Variants in PTPRN2 observed in about 807,000 individuals in gnomAD.
PTPRN2 encodes receptor-type tyrosine-protein phosphatase N2.
In PTPRN2, 74 loss-of-function variants were observed where a neutral mutation model predicts 118.8. The ratio of observed to expected loss-of-function variants is 0.62; its 90% CI spans 0.52 to 0.76. The LOEUF is 0.76. Ranked by LOEUF, PTPRN2 falls within the 30% of genes least tolerant of loss-of-function variation. The pLI is 0.00. For missense variants in PTPRN2, 1,481 were observed against 1,394.4 expected, an observed-to-expected ratio of 1.06 and a Z score of -0.99; for synonymous variants, 641 against 608.0, an observed-to-expected ratio of 1.05 and a Z score of -0.80.
At chr7:158,245,789 C>T (rs1345785028) in intron 3 of PTPRN2, among the ~76,000 whole-genome samples, 1 of 152,126 alleles carries the variant, frequency 6.6e-6, no homozygotes, top group Non-Finnish European at 1.5e-5. Context: ...GGCTCAGGGC[C>T]GGCACACAGT....
intron 12 of PTPRN2, among the ~76,000 whole-genome samples, chr7:157,850,365 C>T (rs1217217444): frequency 6.1e-5 from 9 of 147,844 alleles, no homozygotes; most frequent in Non-Finnish European, 8.9e-5. Flanking sequence ...CCCAGGTCTC[C>T]GAATTTCCAT....
chr7:157,946,992 C>A (rs1288061538), intron 11 of PTPRN2, among the ~76,000 whole-genome samples: 1 of 152,194 alleles, frequency 6.6e-6, no homozygotes, highest in African/African-American at 2.4e-5. Flanking sequence ...AGGTGAACTC[C>A]TGAGCAGCCC....
At chr7:158,331,277 C>T (rs1804379605) in intron 2 of PTPRN2, among the ~76,000 whole-genome samples, 1 of 151,504 alleles carries the variant, frequency 6.6e-6, no homozygotes, top group Admixed American at 6.6e-5. Flanking sequence ...AGAGCTGACA[C>T]CCGCAGACGT....
intron 11 of PTPRN2, among the ~76,000 whole-genome samples, chr7:158,048,132 T>TACACACAC (rs111759966): frequency 6.7e-6 from 1 of 149,988 alleles, no homozygotes; most frequent in African/African-American, 2.4e-5. Context: ...CACATATGTA[T>TACACACAC]ACACACACAC....
intron 6 of PTPRN2, among the ~76,000 whole-genome samples, chr7:158,142,032 G>T (rs1344456782): frequency 1.3e-5 from 2 of 152,194 alleles, no homozygotes. Flanking sequence ...GACAGTGGCG[G>T]CTTCTTTACC....
At chr7:157,776,834 CTCTTCCTCCTCCCT>C (rs1803341518) in intron 12 of PTPRN2, among the ~76,000 whole-genome samples, 2 of 4,688 alleles carry the variant, frequency 4.3e-4, no homozygotes, top group Non-Finnish European at 1.3e-3. Context: ...TCTCCTCCCT[CTCTTCCTCCTCCCT>C]CTCCTCCTCC....
At chr7:158,587,453 C>A in intron 1 of PTPRN2, 105 bp downstream of exon 1, 1 of 692,906 alleles carries the variant, frequency 1.4e-6, no homozygotes, top group Non-Finnish European at 1.8e-6. Context: ...CCCGACCCCT[C>A]AGGGTGGCGC....
intron 2 of PTPRN2, among the ~76,000 whole-genome samples, chr7:158,446,467 C>T (rs1192239854): frequency 6.6e-6 from 1 of 152,094 alleles, no homozygotes; most frequent in African/African-American, 2.4e-5. Context: ...AGGCAGGCCC[C>T]ACCCAGGCTC....
intron 3 of PTPRN2, among the ~76,000 whole-genome samples, chr7:158,268,260 C>A (rs138671270): frequency 6.7e-6 from 1 of 148,672 alleles, no homozygotes; most frequent in Non-Finnish European, 1.5e-5. Context: ...ACACACAGAG[C>A]GGGGTGTGAA....
intron 19 of PTPRN2, among the ~76,000 whole-genome samples, chr7:157,573,695 G>A (rs569592372): frequency 6.6e-6 from 1 of 152,284 alleles, no homozygotes; most frequent in African/African-American, 2.4e-5. Context: ...CCCCTTGGCT[G>A]GGAAATGCTC....
chr7:157,577,281 G>T (rs10257159), intron 18 of PTPRN2, among the ~76,000 whole-genome samples: 1 of 152,068 alleles, frequency 6.6e-6, no homozygotes, highest in Non-Finnish European at 1.5e-5. Flanking sequence ...AGGCACTTCC[G>T]GGCCTAAGCG....
rs561910107 is a variant in PTPRN2, at chr7:158,378,332, A to G, written c.164-61400T>C. ...GGCCTGCAAGCCCCGCCTGCTGCCCAGAGGCTTCCCCAGGCACCTCCTTCT... is the reference window on the plus strand; with the variant it reads ...GGCCTGCAAGCCCCGCCTGCTGCCCGGAGGCTTCCCCAGGCACCTCCTTCT... On this transcript the variant is annotated intron_variant, in intron 2 of 22. Coordinates refer to ENST00000389418, the MANE Select transcript of PTPRN2 (RefSeq NM_002847.5). Among the ~76,000 whole-genome samples, 9 of 152,286 alleles carry G rather than the reference A, an allele frequency of 5.9e-5. No individual in the cohort carries two copies. The East Asian group carries it at 1.7e-3, about 29-fold the overall frequency.
chr7:157,933,233 A>G (rs917869076), intron 11 of PTPRN2, among the ~76,000 whole-genome samples: 1 of 143,702 alleles, frequency 7.0e-6, no homozygotes, highest in Non-Finnish European at 1.5e-5. Flanking sequence ...ACTCTGATTG[A>G]CAGTTTTAGA....
intron 2 of PTPRN2, among the ~76,000 whole-genome samples, chr7:158,479,611 C>T (rs144933532): frequency 1.3e-5 from 2 of 152,150 alleles, no homozygotes; most frequent in Admixed American, 6.5e-5. Flanking sequence ...TGGGAGGCTG[C>T]GGAAAAGCAC....
intron 1 of PTPRN2, among the ~76,000 whole-genome samples, chr7:158,533,770 C>G (rs1320676134): frequency 6.6e-6 from 1 of 152,230 alleles, no homozygotes; most frequent in South Asian, 2.1e-4. Context: ...CCAGGGTGCC[C>G]TGATGGACAT....
At chr7:158,337,375 TCTCACCATAAGAG>T (rs1563167430) in intron 2 of PTPRN2, among the ~76,000 whole-genome samples, 2 of 105,728 alleles carry the variant, frequency 1.9e-5, no homozygotes, top group Admixed American at 9.5e-5. Context: ...ACACCCACAC[TCTCACCATAAGAG>T]GTAACACCTG....
At chr7:157,810,290 T>A (rs1293639142) in intron 12 of PTPRN2, among the ~76,000 whole-genome samples, 1 of 152,214 alleles carries the variant, frequency 6.6e-6, no homozygotes, top group Non-Finnish European at 1.5e-5. Context: ...AAAGCAGCGA[T>A]CTAGACGTGT....
rs139840251 is a variant in PTPRN2, at chr7:158,504,406, C to T, written c.113-14621G>A. On this transcript the variant is annotated intron_variant, in intron 1 of 22. Coordinates refer to ENST00000389418, the MANE Select transcript of PTPRN2 (RefSeq NM_002847.5). ...CGTTCCCCCCCCATGTGTCCATGTG[C>T]TCCCGTCATTCAGCTCCCACTTATA... is the stretch of plus-strand genomic sequence containing the variant. Among the ~76,000 whole-genome samples the T allele has an allele frequency of 2.5e-3, 374 of 152,214 alleles. 9 individuals carry two copies. In the East Asian group the frequency reaches 0.034, roughly 14 times the overall value.
At chr7:157,988,736 C>A (rs1364427588) in intron 11 of PTPRN2, among the ~76,000 whole-genome samples, 1 of 152,208 alleles carries the variant, frequency 6.6e-6, no homozygotes, top group African/African-American at 2.4e-5. Context: ...TTCTAAAAAA[C>A]CACCTACAAG....
Sources: gnomAD v4.1 joint callset for allele counts (sites outside exome capture counted in the v4.1 genomes callset) on GRCh38, gnomAD v4.1.1 for gene constraint, MANE v1.5 for transcripts, NCBI Gene and HGNC (gene_info 2026-07-23, HGNC 2026-07-21) for gene names.